The following CCSER1 variants were observed in gnomAD, a reference collection of about 807,000 sequenced individuals.
CCSER1 encodes serine-rich coiled-coil domain-containing protein 1.
A neutral mutation model predicts 82.0 loss-of-function variants in CCSER1; 41 were observed. The observed-to-expected ratio is 0.50, with a 90% confidence interval of 0.39 to 0.65. The LOEUF is 0.65. Ranked by LOEUF, CCSER1 falls within the 30% of genes least tolerant of loss-of-function variation. The pLI, the probability that CCSER1 is intolerant of heterozygous loss-of-function variation, is 0.00. For synonymous variants in CCSER1, 414 were observed against 383.9 expected (o/e 1.08, Z -0.92); for missense variants, 1,119 against 1,064.2 (o/e 1.05, Z -0.72).
At chr4:91,107,658 A>C (rs1004610192) in intron 10 of CCSER1, among the ~76,000 whole-genome samples, 5 of 91,976 alleles carry the variant, frequency 5.4e-5, no homozygotes, top group Non-Finnish European at 1.1e-4. Flanking sequence ...TTTTTTTTTG[A>C]TGTTTGAAAA....
chr4:90,999,242 C>T (rs1422268507), intron 9 of CCSER1, among the ~76,000 whole-genome samples: 6 of 152,146 alleles, frequency 3.9e-5, no homozygotes, highest in African/African-American at 1.4e-4. Flanking sequence ...TTTGGATATA[C>T]ATCCAGTAAT....
Position 90,317,047 on chromosome 4 carries a change from GA to G in CCSER1, c.1509+4006del, listed in dbSNP as rs563726063. On this transcript the variant is annotated intron_variant, in intron 3 of 10. Coordinates refer to ENST00000509176, the MANE Select transcript of CCSER1 (RefSeq NM_001145065.2). The stretch of plus-strand genomic sequence containing the variant: ...CCAAAAAATTTAAAATGCTGTTCTA[GA>G]AAAAAGTTAAAGAACATATTTCTTT... 2.0e-3 allele frequency among the ~76,000 whole-genome samples: 306 copies of G among 152,158 alleles called. 2 individuals are homozygous for G. The highest frequency in any genetic ancestry group is 6.5e-3 in the African/African-American group (269 of 41,536).
intron 8 of CCSER1, among the ~76,000 whole-genome samples, chr4:90,837,075 A>G (rs776709913): frequency 3.9e-5 from 6 of 152,218 alleles, no homozygotes; most frequent in Non-Finnish European, 8.8e-5. Context: ...AATTGCTGTC[A>G]TATTAAGAAG....
At chr4:90,299,976 T>C (rs939126694) in intron 1 of CCSER1, among the ~76,000 whole-genome samples, 6 of 152,126 alleles carry the variant, frequency 3.9e-5, no homozygotes, top group Non-Finnish European at 2.9e-5. Context: ...TCTGTTGTTT[T>C]TTTGGGGATC....
intron 7 of CCSER1, among the ~76,000 whole-genome samples, chr4:90,735,930 T>C (rs1344356757): frequency 6.6e-6 from 1 of 152,104 alleles, no homozygotes; most frequent in Admixed American, 6.6e-5. Context: ...TTTCAAGCAA[T>C]TTTTAAATTT....
At chr4:91,468,890 G>T (rs1045229222) in intron 10 of CCSER1, among the ~76,000 whole-genome samples, 3 of 151,952 alleles carry the variant, frequency 2.0e-5, no homozygotes, top group Non-Finnish European at 4.4e-5. Context: ...TGATACTAAG[G>T]CTATCATAAA....
chr4:90,551,134 T>C (rs779368045), intron 5 of CCSER1, among the ~76,000 whole-genome samples: 2 of 152,180 alleles, frequency 1.3e-5, no homozygotes, highest in African/African-American at 2.4e-5. Context: ...TAAATTTATA[T>C]AGTTTAGAAG....
At chr4:90,666,338 G>A (rs1731784219) in intron 6 of CCSER1, among the ~76,000 whole-genome samples, 2 of 152,072 alleles carry the variant, frequency 1.3e-5, no homozygotes, top group African/African-American at 4.8e-5. Flanking sequence ...TTGACACCAT[G>A]GGCATAAATT....
chr4:91,306,878 T>C (rs972330587), intron 10 of CCSER1, among the ~76,000 whole-genome samples: 1 of 152,030 alleles, frequency 6.6e-6, no homozygotes, highest in Non-Finnish European at 1.5e-5. Flanking sequence ...TTGTTTTTTT[T>C]CTGCTGCACT....
Position 91,604,911 on chromosome 4 carries a change from A to G in CCSER1, c.*5854A>G, listed in dbSNP as rs1764911188. 6.6e-6 allele frequency: 1 copy of G among 151,952 alleles called. No homozygotes were observed. The allele number at this position is 151,952 out of a possible 1,614,324, so 9.4% of individuals were successfully genotyped here. On this transcript the variant is annotated 3_prime_UTR_variant, in exon 11 of 11. Coordinates refer to ENST00000509176, the MANE Select transcript of CCSER1 (RefSeq NM_001145065.2). ...AATCCTGTCATGAGTTCTCTCTTCC[A>G]AAAAAGAATGCAAGAGAATTGATTA...
chr4:90,634,169 A>G (rs1352236898), intron 6 of CCSER1, among the ~76,000 whole-genome samples: 7 of 151,644 alleles, frequency 4.6e-5, no homozygotes. Flanking sequence ...ATATATTTTG[A>G]TATAATAAGC....
At chr4:90,873,322 G>T (rs1766801144) in intron 8 of CCSER1, among the ~76,000 whole-genome samples, 1 of 152,014 alleles carries the variant, frequency 6.6e-6, no homozygotes, top group South Asian at 2.1e-4. Flanking sequence ...GTGTGTTCAG[G>T]TTTACTAATT....
chr4:90,406,536 A>G (rs1421803373), intron 4 of CCSER1, among the ~76,000 whole-genome samples: 3 of 152,212 alleles, frequency 2.0e-5, no homozygotes, highest in East Asian at 3.8e-4. Flanking sequence ...AGAACATTCT[A>G]CCCAACAACT....
intron 10 of CCSER1, among the ~76,000 whole-genome samples, chr4:91,229,678 C>T (rs796178864): frequency 1.7e-4 from 26 of 152,254 alleles, no homozygotes; most frequent in African/African-American, 5.8e-4. Flanking sequence ...AGTTCATTTC[C>T]TGTGCAGGGA....
intron 10 of CCSER1, among the ~76,000 whole-genome samples, chr4:91,536,335 A>C (rs1560745761): frequency 2.0e-5 from 3 of 152,092 alleles, no homozygotes; most frequent in Admixed American, 1.3e-4. Context: ...TTCAATTTGT[A>C]TTTAGATCAT....
At chr4:91,093,273 A>T (rs1724160719) in intron 10 of CCSER1, among the ~76,000 whole-genome samples, 1 of 152,196 alleles carries the variant, frequency 6.6e-6, no homozygotes, top group Non-Finnish European at 1.5e-5. Flanking sequence ...CAGTCCACTG[A>T]TGCCCATGAC....
intron 3 of CCSER1, among the ~76,000 whole-genome samples, chr4:90,360,531 A>C (rs953215128): frequency 1.5e-5 from 2 of 136,214 alleles, no homozygotes; most frequent in African/African-American, 2.8e-5. Flanking sequence ...AGCCGAGATC[A>C]CGCCACTGCA....
chr4:90,814,228 C>T (rs185332284), intron 7 of CCSER1, among the ~76,000 whole-genome samples: 95 of 152,322 alleles, frequency 6.2e-4, no homozygotes, highest in African/African-American at 1.9e-3. Context: ...CAAGGCTACA[C>T]AGAGCAGCAG....
intron 6 of CCSER1, among the ~76,000 whole-genome samples, chr4:90,664,555 T>C (rs1673920338): frequency 6.6e-6 from 1 of 152,192 alleles, no homozygotes; most frequent in African/African-American, 2.4e-5. Flanking sequence ...ATTTCATAAA[T>C]TTAGATACTT....
Sources: allele counts gnomAD v4.1 joint callset (sites outside exome capture counted in the v4.1 genomes callset), GRCh38; gene constraint gnomAD v4.1.1; transcripts MANE v1.5; gene names NCBI Gene and HGNC (gene_info 2026-07-23, HGNC 2026-07-21).